HBP1: variants seen among roughly 807,000 people sequenced by gnomAD.
HBP1 encodes the protein HMG-box transcription factor 1.
In HBP1, 20 loss-of-function variants were observed where a neutral mutation model predicts 62.6. The ratio of observed to expected loss-of-function variants is 0.32; its 90% CI spans 0.22 to 0.46. The LOEUF is 0.46. Ranked by LOEUF, HBP1 falls within the 20% of genes least tolerant of loss-of-function variation. The probability of loss-of-function intolerance (pLI) is 1.00; values close to 1 mark genes in which losing one functional copy is unlikely to be tolerated. For missense variants in HBP1, 480 were observed against 611.8 expected (o/e 0.78, Z 2.27); for synonymous variants, 232 against 206.2 (o/e 1.12, Z -1.07).
At position 107,200,468 on chromosome 7, in the gene HBP1, C is replaced by G. The variant is rs547594340; in HGVS notation, c.1527+167C>G. 3.2e-4 allele frequency: 145 copies of G among 459,244 alleles called. 1 individual carries two copies. Among genetic ancestry groups the G allele is most frequent in the Non-Finnish European group, 2.3e-5 (6 of 265,958 alleles). The allele number at this position is 459,244 out of a possible 1,614,324, so 28.4% of individuals were successfully genotyped here. A position where few individuals can be genotyped will look rare whatever the true frequency, so the allele number is the denominator to read the frequency against. ...TATCACATCATCATATAAAGACTGC[C>G]TTTCCTCAAGGGTCATTTACTCTCA... On this transcript the variant is annotated intron_variant, in intron 10 of 10. Coordinates refer to ENST00000222574, the MANE Select transcript of HBP1 (RefSeq NM_012257.4).
chr7:107,191,281 C>T (rs1308800525), intron 8 of HBP1, among the ~76,000 whole-genome samples: 1 of 152,134 alleles, frequency 6.6e-6, no homozygotes, highest in African/African-American at 2.4e-5. Flanking sequence ...AGCTTATGCT[C>T]TTAATGCTGT....
intron 3 of HBP1, 112 bp from the exon 4 acceptor site, chr7:107,185,689 A>G (rs1797317938): frequency 1.4e-6 from 1 of 738,480 alleles, no homozygotes; most frequent in Non-Finnish European, 2.2e-6. Flanking sequence ...TGTTTACCAT[A>G]AATGTGTTCA....
intron 9 of HBP1, among the ~76,000 whole-genome samples, chr7:107,198,557 C>T (rs1268845227): frequency 6.6e-6 from 1 of 152,134 alleles, no homozygotes; most frequent in Non-Finnish European, 1.5e-5. Flanking sequence ...ATGTGATATA[C>T]TGGTAATCAA....
intron 1 of HBP1, among the ~76,000 whole-genome samples, chr7:107,175,264 C>G (rs1238515689): frequency 1.3e-5 from 2 of 152,034 alleles, no homozygotes; most frequent in East Asian, 3.9e-4. Context: ...ATAACACTAG[C>G]CACTGTACAT....
chr7:107,197,819 A>C (rs1233472984), intron 9 of HBP1, among the ~76,000 whole-genome samples: 1 of 152,168 alleles, frequency 6.6e-6, no homozygotes, highest in Non-Finnish European at 1.5e-5. Flanking sequence ...GTTAGTTTGG[A>C]AGTCTACTTC....
intron 10 of HBP1, 126 bp from the exon 11 acceptor site, chr7:107,201,288 C>G: frequency 3.9e-6 from 2 of 515,378 alleles, no homozygotes; most frequent in African/African-American, 3.9e-5. Context: ...TTTTTAAAAT[C>G]ACCTTTAAGA....
At chr7:107,194,317 C>T (rs1231244035) in intron 8 of HBP1, among the ~76,000 whole-genome samples, 1 of 152,108 alleles carries the variant, frequency 6.6e-6, no homozygotes, top group Non-Finnish European at 1.5e-5. Context: ...AAATTGTAAT[C>T]ATTTTCCATC....
intron 1 of HBP1, among the ~76,000 whole-genome samples, chr7:107,171,319 C>T (rs1203096867): frequency 2.0e-5 from 3 of 151,396 alleles, no homozygotes; most frequent in Admixed American, 6.6e-5. Context: ...ATCTGCCCGC[C>T]TCGGCCTCCC....
At chr7:107,171,063 A>ATT (rs1184704903) in intron 1 of HBP1, among the ~76,000 whole-genome samples, 2 of 65,960 alleles carry the variant, frequency 3.0e-5, no homozygotes, top group African/African-American at 3.2e-4. Flanking sequence ...ATATATATAT[A>ATT]TATATATATA....
rs796650011 is a variant in HBP1 at position 107,190,038 on chromosome 7, C to A, written c.923-135C>A. ...TATCTAGTACTTTATTGTAAAGATA[C>A]ATGACTTGTGTTAGAGAATCTCTTG... On this transcript the variant is annotated intron_variant, in intron 7 of 10. Coordinates refer to ENST00000222574, the MANE Select transcript of HBP1 (RefSeq NM_012257.4). The A allele has an allele frequency of 8.0e-6, 5 of 626,042 alleles. No individual in the cohort carries two copies. In the African/African-American group the frequency reaches 9.5e-5, roughly 12 times the overall value. The allele number at this position is 626,042 out of a possible 1,614,324, so 38.8% of individuals were successfully genotyped here.
intron 8 of HBP1, among the ~76,000 whole-genome samples, chr7:107,191,420 G>GA (rs924919147): frequency 1.3e-5 from 2 of 152,156 alleles, no homozygotes; most frequent in African/African-American, 4.8e-5. Context: ...TAACCTGATA[G>GA]AAAAATTTTG....
intron 9 of HBP1, chr7:107,196,608 G>T: frequency 4.1e-6 from 1 of 244,824 alleles, no homozygotes; most frequent in Non-Finnish European, 8.2e-6. Flanking sequence ...GAATTTTTAG[G>T]GTTATATGTA....
At chr7:107,175,069 C>G (rs1415881209) in intron 1 of HBP1, among the ~76,000 whole-genome samples, 1 of 151,474 alleles carries the variant, frequency 6.6e-6, no homozygotes, top group Non-Finnish European at 1.5e-5. Context: ...TGTGAGTGCT[C>G]TCTTTAAAAA....
At chr7:107,198,544 C>T (rs1453950042) in intron 9 of HBP1, among the ~76,000 whole-genome samples, 4 of 152,108 alleles carry the variant, frequency 2.6e-5, no homozygotes, top group Non-Finnish European at 4.4e-5. Flanking sequence ...TAGCATTGCT[C>T]CCATGTGATA....
intron 1 of HBP1, among the ~76,000 whole-genome samples, chr7:107,173,084 T>C (rs1450389912): frequency 6.6e-6 from 1 of 152,172 alleles, no homozygotes; most frequent in African/African-American, 2.4e-5. Context: ...TCTTTTGAAG[T>C]TTTGTTGAAA....
chr7:107,173,661 C>T (rs1469201679), intron 1 of HBP1: 1 of 152,180 alleles, frequency 6.6e-6, no homozygotes, highest in Non-Finnish European at 1.5e-5. Context: ...CTCTCTTTCT[C>T]TCCTGTCTTA....
At chr7:107,179,657 C>T (rs911009186) in intron 1 of HBP1, 3 of 276,310 alleles carry the variant, frequency 1.1e-5, no homozygotes, top group Admixed American at 4.6e-5. Flanking sequence ...CTGTAATCCC[C>T]CCTACTTAGG....
rs1429259254 is a variant in HBP1 at position 107,190,100 on chromosome 7, AATGAT to A, written c.923-69_923-65del. On this transcript the variant is annotated intron_variant, in intron 7 of 10. Transcript: ENST00000222574. ...TAACATTTTATTTTTAAGATATAGAAATGATATGTCTGTTCTAAAGTAGGGTGCTT... is the reference window on the plus strand; with the variant it reads ...TAACATTTTATTTTTAAGATATAGAAATGTCTGTTCTAAAGTAGGGTGCTT... 3 of 1,061,464 alleles carry A rather than the reference AATGAT, an allele frequency of 2.8e-6. No individual in the cohort carries two copies. In the Admixed American group the frequency reaches 7.8e-5, roughly 28 times the overall value. The allele number at this position is 1,061,464 out of a possible 1,614,324, so 65.8% of individuals were successfully genotyped here.
intron 1 of HBP1, chr7:107,170,069 T>C: frequency 1.0e-6 from 1 of 985,282 alleles, no homozygotes; most frequent in Non-Finnish European, 1.2e-6. Context: ...CACTCTACAC[T>C]CGAGTTCATT....
Sources: allele counts gnomAD v4.1 joint callset (sites outside exome capture counted in the v4.1 genomes callset), GRCh38; gene constraint gnomAD v4.1.1; transcripts MANE v1.5; gene names NCBI Gene and HGNC (gene_info 2026-07-23, HGNC 2026-07-21).